The following NAPA variants were observed in gnomAD, a reference collection of about 807,000 sequenced individuals.
NAPA encodes the protein alpha-soluble NSF attachment protein.
Under a neutral mutation model 48.0 loss-of-function variants are expected in NAPA, and 18 were observed. The observed-to-expected ratio is 0.38, with a 90% CI of 0.26 to 0.56. The LOEUF (loss-of-function observed/expected upper bound fraction) is 0.56. Among genes scored for constraint, NAPA ranks in the 20% least tolerant of loss-of-function variants. The pLI is 0.77. For missense variants in NAPA, 315 were observed against 385.0 expected, an observed-to-expected ratio of 0.82 and a Z score of 1.52; for synonymous variants, 152 against 149.9, an observed-to-expected ratio of 1.01 and a Z score of -0.10.
downstream of NAPA, among the ~76,000 whole-genome samples, chr19:47,486,310 G>A (rs953621218): frequency 1.3e-5 from 2 of 151,740 alleles, no homozygotes; most frequent in South Asian, 4.1e-4. Context: ...AACCAAGATC[G>A]CACCACTGCA....
chr19:47,488,345 G>A lies in NAPA; in HGVS notation c.831C>T (p.Thr277=). Residue 277 remains threonine (T), a synonymous_variant, in exon 11 of 11, where the codon ACC becomes ACT. Transcript: ENST00000263354. The part of the protein sequence containing the change: ...DSISRLDQWL[T]TMLLRIKKTI... ...TCTTCTTGATGCGCAGCAGCATGGT[G>A]GTGAGCCACTGGTCCAGCCGGGAGA... The A allele has an allele frequency of 6.2e-7, 1 of 1,613,668 alleles. No individual in the cohort carries two copies. Among genetic ancestry groups the A allele is most frequent in the Non-Finnish European group, 8.5e-7 (1 of 1,179,744 alleles).
chr19:47,490,792 A>G lies in NAPA; in HGVS notation c.731T>C (p.Met244Thr). The G allele has an allele frequency of 6.2e-7, 1 of 1,613,556 alleles. No individual in the cohort carries two copies. Among genetic ancestry groups the G allele is most frequent in the Non-Finnish European group, 8.5e-7 (1 of 1,179,760 alleles). The part of the protein sequence containing the change: ...AFSDSRECKL[M>T]KKLLEAHEEQ... ...GCCGGAGCACCCAGCACTTACTTTCATCAACTTGCATTCCCGGGAATCAGA... is the reference window on the plus strand; with the variant it reads ...GCCGGAGCACCCAGCACTTACTTTCGTCAACTTGCATTCCCGGGAATCAGA... The change falls in exon 9 of 11, where the codon ATG becomes ACG. Residue 244 changes from methionine to threonine, a missense_variant. By Grantham distance (81) the Met-to-Thr change is moderately conservative (BLOSUM62 -1). Coordinates refer to ENST00000263354, the MANE Select transcript of NAPA (RefSeq NM_003827.4).
At chr19:47,504,091 T>TA (rs929537051) in intron 1 of NAPA, among the ~76,000 whole-genome samples, 15 of 148,604 alleles carry the variant, frequency 1.0e-4, no homozygotes, top group East Asian at 2.0e-4. Context: ...CATTTGTGTT[T>TA]AAAAAAAAAA....
At chr19:47,504,061 G>A (rs1374594475) in intron 1 of NAPA, among the ~76,000 whole-genome samples, 2 of 152,074 alleles carry the variant, frequency 1.3e-5, no homozygotes, top group Non-Finnish European at 2.9e-5. Flanking sequence ...CTATTTTAAA[G>A]TGTAGATATA....
chr19:47,490,122 T>C (rs1968202200), intron 9 of NAPA, among the ~76,000 whole-genome samples: 1 of 143,688 alleles, frequency 7.0e-6, no homozygotes, highest in Non-Finnish European at 1.5e-5. Flanking sequence ...TGGTGTTTGG[T>C]GTGTGTTGAG....
chr19:47,506,904 AG>A lies in NAPA; in HGVS notation c.99-3403del, dbSNP rs1248832511. 4.6e-5 allele frequency: 7 copies of A among 152,266 alleles called. No individual in the cohort carries two copies. Among genetic ancestry groups the A allele is most frequent in the Non-Finnish European group, 1.0e-4 (7 of 68,070 alleles). The allele number at this position is 152,266 out of a possible 1,614,324, so 9.4% of individuals were successfully genotyped here. A position where few individuals can be genotyped will look rare whatever the true frequency, so the allele number is the denominator to read the frequency against. On this transcript the variant is annotated intron_variant, in intron 1 of 10. Transcript: ENST00000263354. This position sits in a 1 kb window ranked among gnomAD's most constrained non-coding sequence, Gnocchi z 4.0. The stretch of plus-strand genomic sequence containing the variant: ...TTAGAAATGGGAGTGAAGTCCCCAA[AG>A]GGGGAAAGTGACGTGCCTAGGTTCC...
At chr19:47,499,392 T>C (rs772015554) in intron 3 of NAPA, among the ~76,000 whole-genome samples, 4 of 152,218 alleles carry the variant, frequency 2.6e-5, no homozygotes, top group Admixed American at 6.5e-5. Context: ...AGGAAAGGCT[T>C]GGCGGGGCAG....
intron 2 of NAPA, 87 bp from the exon 3 acceptor site, chr19:47,500,836 G>C (rs1486192448): frequency 9.7e-7 from 1 of 1,034,242 alleles, no homozygotes; most frequent in Non-Finnish European, 1.4e-6. Flanking sequence ...GAGGTGGGTC[G>C]GGCTCTCGAG....
chr19:47,511,523 G>C (rs1968804710), intron 1 of NAPA, among the ~76,000 whole-genome samples: 1 of 152,204 alleles, frequency 6.6e-6, no homozygotes, highest in East Asian at 1.9e-4. Flanking sequence ...GAGGGTGGCA[G>C]CTCTCCAACA....
At chr19:47,505,742 C>T (rs184451200) in intron 1 of NAPA, among the ~76,000 whole-genome samples, 1 of 152,322 alleles carries the variant, frequency 6.6e-6, no homozygotes, top group East Asian at 1.9e-4. Context: ...GCCAGGGATC[C>T]TGGCCTCCTG....
chr19:47,495,631 A>G, intron 3 of NAPA, 35 bp from the exon 4 acceptor site: 1 of 1,607,632 alleles, frequency 6.2e-7, no homozygotes, highest in Non-Finnish European at 8.5e-7. Flanking sequence ...AGACATGAGA[A>G]AGTGAAGTCG....
intron 3 of NAPA, among the ~76,000 whole-genome samples, chr19:47,499,141 G>A (rs1035659310): frequency 6.6e-6 from 1 of 152,216 alleles, no homozygotes; most frequent in African/African-American, 2.4e-5. Flanking sequence ...AGTCTCGCTG[G>A]AGAGCTAGAA....
chr19:47,504,397 C>CAAAAAAAAAAA (rs11367620), intron 1 of NAPA, among the ~76,000 whole-genome samples: 1 of 57,210 alleles, frequency 1.7e-5, no homozygotes, highest in African/African-American at 6.3e-5. Context: ...GACCTTGTCT[C>CAAAAAAAAAAA]AAAAAAAAAA....
At chr19:47,492,922 G>C in intron 7 of NAPA, 39 bp downstream of exon 7, 4 of 1,599,330 alleles carry the variant, frequency 2.5e-6, no homozygotes, top group South Asian at 2.2e-5. Flanking sequence ...GGCCCTGAGA[G>C]GGGGCAGGGT....
intron 8 of NAPA, chr19:47,491,326 C>G (rs989091891): frequency 3.1e-5 from 5 of 161,524 alleles, no homozygotes; most frequent in Non-Finnish European, 4.0e-5. Context: ...AAAGCCCAAG[C>G]TTTTGCCCAC....
At position 47,515,003 on chromosome 19, in the gene NAPA, C is replaced by T; in HGVS notation, c.-63G>A. ...GACCCTGGGAAGACTCAGCCGCGGC[C>T]GGGCCGCGGAACACAGATCGGTAAA... is the stretch of plus-strand genomic sequence containing the variant. On this transcript the variant is annotated 5_prime_UTR_variant, in exon 1 of 11. Transcript: ENST00000263354. The T allele has an allele frequency of 6.5e-7, 1 of 1,530,400 alleles. No individual in the cohort carries two copies. The highest frequency in any genetic ancestry group is 8.9e-7 in the Non-Finnish European group (1 of 1,118,802). 94.8% of individuals were successfully genotyped at this position (1,530,400 alleles called of 1,614,324 possible).
At chr19:47,512,522 A>G (rs1437318119) in intron 1 of NAPA, among the ~76,000 whole-genome samples, 1 of 152,162 alleles carries the variant, frequency 6.6e-6, no homozygotes, top group Non-Finnish European at 1.5e-5. Context: ...CCAAGCACAC[A>G]GTCCAACAGC....
chr19:47,511,110 A>C (rs1379478479), intron 1 of NAPA, among the ~76,000 whole-genome samples: 2 of 152,184 alleles, frequency 1.3e-5, no homozygotes, highest in Non-Finnish European at 2.9e-5. Flanking sequence ...TCAATGTGGG[A>C]TGCTGTCATT....
chr19:47,504,785 G>A (rs1176671424), intron 1 of NAPA, among the ~76,000 whole-genome samples: 1 of 152,024 alleles, frequency 6.6e-6, no homozygotes, highest in Non-Finnish European at 1.5e-5. Context: ...ATTTGGCCCT[G>A]TGGTCCAGCA....
Sources: gnomAD v4.1 joint callset for allele counts (sites outside exome capture counted in the v4.1 genomes callset) on GRCh38, gnomAD v4.1.1 for gene constraint, Gnocchi (gnomAD v3.1) non-coding constraint, MANE v1.5 for transcripts, NCBI Gene and HGNC (gene_info 2026-07-23, HGNC 2026-07-21) for gene names.